HNRNPCL1: variants seen among roughly 807,000 people sequenced by gnomAD.
HNRNPCL1 encodes the protein heterogeneous nuclear ribonucleoprotein C-like 1.
A neutral mutation model predicts 19.0 loss-of-function variants in HNRNPCL1; 15 were observed. The observed-to-expected ratio is 0.79, with a 90% confidence interval of 0.53 to 1.22. The LOEUF is 1.22. Ranked by LOEUF, HNRNPCL1 falls within the 50% of genes most tolerant of loss-of-function variation. The pLI, the probability that HNRNPCL1 is intolerant of heterozygous loss-of-function variation, is 0.00. For synonymous variants in HNRNPCL1, 110 were observed against 129.1 expected, an observed-to-expected ratio of 0.85 and a Z score of 1.00; for missense variants, 327 against 354.7, an observed-to-expected ratio of 0.92 and a Z score of 0.63.
In HNRNPCL1 at chr1:12,847,960, G is replaced by C. The variant is rs750096462; in HGVS notation, c.330C>G (p.Asp110Glu). The change falls in exon 2 of 2, where the codon GAC becomes GAG. Residue 110 changes from aspartate to glutamate, a missense_variant. Asp to Glu is a conservative substitution (Grantham distance 45). Transcript: ENST00000317869. ...SAAEMYGSSF[D>E]LDYGFQRDYY... ...AATCCCGTTGAAAGCCATAGTCCAA[G>C]TCAAAAGAGGAGCCGTACATCTCCG... The C allele has an allele frequency of 6.2e-7, 1 of 1,607,672 alleles. No homozygotes were observed. Among genetic ancestry groups the C allele is most frequent in the South Asian group, 1.1e-5 (1 of 90,692 alleles).
In HNRNPCL1 at chr1:12,848,425, A is replaced by C. The variant is rs3860363; in HGVS notation, c.-136T>G. 0.42 allele frequency: 482,870 copies of C among 1,151,402 alleles called. 101,462 individuals are homozygous for C. The highest frequency in any genetic ancestry group is 0.53 in the East Asian group (20,187 of 38,038). The allele number at this position is 1,151,402 out of a possible 1,614,324, so 71.3% of individuals were successfully genotyped here. A position where few individuals can be genotyped will look rare whatever the true frequency, so the allele number is the denominator to read the frequency against. On this transcript the variant is annotated 5_prime_UTR_variant, in exon 2 of 2. Coordinates refer to ENST00000317869, the MANE Select transcript of HNRNPCL1 (RefSeq NM_001013631.3). ...GCTCGAGGCCAGAAATGCAGCCAAA[A>C]CAGCTCAGTCTTCGTCTCTTCACAA...
chr1:12,847,563 C>G lies in HNRNPCL1; in HGVS notation c.727G>C (p.Gly243Arg), dbSNP rs760613530. 11 of 1,606,542 alleles carry G rather than the reference C, an allele frequency of 6.8e-6. 1 individual carries two copies. Among genetic ancestry groups the G allele is most frequent in the Non-Finnish European group, 9.3e-6 (11 of 1,176,628 alleles). The change falls in exon 2 of 2, where the codon GGT (glycine) becomes CGT (arginine). Residue 243 changes from glycine (G) to arginine (R), a missense_variant. Coordinates refer to ENST00000317869, the MANE Select transcript of HNRNPCL1 (RefSeq NM_001013631.3). Reference protein sequence around the residue: ...ETHVKMESEGGAEDSAEEGDP... With the variant: ...ETHVKMESEGRAEDSAEEGDP... ...CCCTCCTCAGCAGAGTCTTCTGCACCCCCCTCAGACTCCATCTTCACATGA... is the reference window on the plus strand; with the variant it reads ...CCCTCCTCAGCAGAGTCTTCTGCACGCCCCTCAGACTCCATCTTCACATGA...
Position 12,847,968 on chromosome 1 carries a change from A to G in HNRNPCL1, c.322T>C (p.Ser108Pro), listed in dbSNP as rs1569828937. 1.9e-6 allele frequency: 3 copies of G among 1,607,740 alleles called. No individual in the cohort carries two copies. Among genetic ancestry groups the G allele is most frequent in the Non-Finnish European group, 2.5e-6 (3 of 1,177,064 alleles). The change falls in exon 2 of 2, where the codon TCT (serine) becomes CCT (proline). Residue 108 changes from serine (S) to proline (P), a missense_variant. This residue lies in a region of HNRNPCL1 where 281 missense variants were observed against 254.7 expected (regional missense o/e 1.10). Transcript: ENST00000317869. The part of the protein sequence containing the change: ...KRSAAEMYGS[S>P]FDLDYGFQRD... ...TGAAAGCCATAGTCCAAGTCAAAAGAGGAGCCGTACATCTCCGCTGCTGAT... is the reference window on the plus strand; with the variant it reads ...TGAAAGCCATAGTCCAAGTCAAAAGGGGAGCCGTACATCTCCGCTGCTGAT...
chr1:12,847,536 C>A lies in HNRNPCL1; in HGVS notation c.754G>T (p.Asp252Tyr). The part of the protein sequence containing the change: ...GGAEDSAEEG[D>Y]PLDDDVNEDQ... Reference sequence around the variant, plus strand: ...TCATTAACATCATCATCCAGTGGGTCCCCCTCCTCAGCAGAGTCTTCTGCA... The same window carrying A: ...TCATTAACATCATCATCCAGTGGGTACCCCTCCTCAGCAGAGTCTTCTGCA... Residue 252 changes from aspartate to tyrosine, a missense_variant, in exon 2 of 2, where the codon GAC becomes TAC. By Grantham distance (160) the Asp-to-Tyr change is radical. Around this residue, in one of 2 missense-constraint regions of HNRNPCL1, gnomAD observed 281 missense variants for 254.7 expected, o/e 1.10. Coordinates refer to ENST00000317869, the MANE Select transcript of HNRNPCL1 (RefSeq NM_001013631.3). The A allele has an allele frequency of 1.2e-6, 2 of 1,606,482 alleles. No individual in the cohort carries two copies. The highest frequency in any genetic ancestry group is 1.7e-6 in the Non-Finnish European group (2 of 1,176,594).
At position 12,847,814 on chromosome 1, in the gene HNRNPCL1, C is replaced by T. The variant is rs145312264; in HGVS notation, c.476G>A (p.Gly159Asp). ...SGNTSRRGKSGFNSKSGKRGS... is the reference protein window; with the variant it reads ...SGNTSRRGKSDFNSKSGKRGS... ...CCGCTTTCCACTCTTAGAATTGAAG[C>T]CACTTTTGCCCCTTCGTGAGGTGTT... is the stretch of plus-strand genomic sequence containing the variant. The change falls in exon 2 of 2, where the codon GGC (glycine) becomes GAC (aspartate). Residue 159 changes from glycine (G) to aspartate (D), a missense_variant. Around this residue, in one of 2 missense-constraint regions of HNRNPCL1, gnomAD observed 281 missense variants for 254.7 expected, o/e 1.10. Coordinates refer to ENST00000317869, the MANE Select transcript of HNRNPCL1 (RefSeq NM_001013631.3). 83 of 1,606,698 alleles carry T rather than the reference C, an allele frequency of 5.2e-5. 2 individuals are homozygous for T. The highest frequency in any genetic ancestry group is 6.7e-5 in the Non-Finnish European group (79 of 1,176,622).
rs370005849 is a variant in HNRNPCL1 at position 12,847,410 on chromosome 1, A to G, written c.880T>C (p.Ter294GlnextTer?). 4 of 1,606,836 alleles carry G rather than the reference A, an allele frequency of 2.5e-6. No homozygotes were observed. The highest frequency in any genetic ancestry group is 3.4e-6 in the Non-Finnish European group (4 of 1,176,638). The change falls in exon 2 of 2, where the codon TAA becomes CAA. Residue 294 changes from the stop codon to glutamine (Q), a stop_lost. Transcript: ENST00000317869. Reference sequence around the variant, plus strand: ...GATTTCTCAACCCCACTATGTGCTTAAGAGTCATCCTGGCCATTGGTGCTG... The same window carrying G: ...GATTTCTCAACCCCACTATGTGCTTGAGAGTCATCCTGGCCATTGGTGCTG... Reference protein sequence around the residue: ...RDSTNGQDDS* With the variant: ...RDSTNGQDDSQ
In HNRNPCL1 at chr1:12,848,153, C is replaced by A. The variant is rs1271091709; in HGVS notation, c.137G>T (p.Cys46Phe). 3.8e-6 allele frequency: 6 copies of A among 1,594,662 alleles called. No homozygotes were observed. The South Asian group carries it at 5.6e-5, about 15-fold the overall frequency. Residue 46 changes from cysteine (C) to phenylalanine (F), a missense_variant, in exon 2 of 2, where the codon TGC (cysteine) becomes TTC (phenylalanine). By Grantham distance (205) the Cys-to-Phe change is radical (BLOSUM62 -2). Transcript: ENST00000317869. ...IFSKYGKIAGCSVHKGFAFVQ... is the reference protein window; with the variant it reads ...IFSKYGKIAGFSVHKGFAFVQ... ...GAAGGCAAAGCCCTTATGAACAGAG[C>A]AGCCCGCAATTTTGCCATACTTGGA...
In HNRNPCL1 at chr1:12,848,029, C is replaced by A; in HGVS notation, c.261G>T (p.Glu87Asp). The change falls in exon 2 of 2, where the codon GAG (glutamate) becomes GAT (aspartate). Residue 87 changes from glutamate (E) to aspartate (D), a missense_variant. By Grantham distance (45) the Glu-to-Asp change is conservative. This residue lies in a region of HNRNPCL1 where 281 missense variants were observed against 254.7 expected (regional missense o/e 1.10). Transcript: ENST00000317869. ...CTGCGTTTCCTCGGTTCACTTTTGG[C>A]TCCGCAGCCAGGTTAATATCTACAA... The part of the protein sequence containing the change: ...SQVVDINLAA[E>D]PKVNRGNAGV... 1 of 1,607,262 alleles carries A rather than the reference C, an allele frequency of 6.2e-7. No homozygotes were observed.
At position 12,847,976 on chromosome 1, in the gene HNRNPCL1, T is replaced by C. The variant is rs74866336; in HGVS notation, c.314A>G (p.Tyr105Cys). ...ATAGTCCAAGTCAAAAGAGGAGCCG[T>C]ACATCTCCGCTGCTGATCGTTTCAC... is the stretch of plus-strand genomic sequence containing the variant. Reference protein sequence around the residue: ...AGVKRSAAEMYGSSFDLDYGF... With the variant: ...AGVKRSAAEMCGSSFDLDYGF... The change falls in exon 2 of 2, where the codon TAC becomes TGC. Residue 105 changes from tyrosine to cysteine, a missense_variant. By Grantham distance (194) the Tyr-to-Cys change is radical (BLOSUM62 -2). Transcript: ENST00000317869. 167,137 of 1,607,250 alleles carry C rather than the reference T, an allele frequency of 0.1. 15,299 individuals are homozygous for C. The highest frequency in any genetic ancestry group is 0.19 in the Middle Eastern group (1,146 of 6,050).
At position 12,848,366 on chromosome 1, in the gene HNRNPCL1, T is replaced by A; in HGVS notation, c.-77A>T. 2 of 1,454,494 alleles carry A rather than the reference T, an allele frequency of 1.4e-6. No individual in the cohort carries two copies. The highest frequency in any genetic ancestry group is 1.5e-5 in the African/African-American group (1 of 68,920). The allele number at this position is 1,454,494 out of a possible 1,614,324, so 90.1% of individuals were successfully genotyped here. A position where few individuals can be genotyped will look rare whatever the true frequency, so the allele number is the denominator to read the frequency against. Reference sequence around the variant, plus strand: ...AGAAGAGATTCGATTCTAAGTCTCCTACTGCCGGGTTCTACGGGGAGAAAC... The same window carrying A: ...AGAAGAGATTCGATTCTAAGTCTCCAACTGCCGGGTTCTACGGGGAGAAAC... On this transcript the variant is annotated 5_prime_UTR_variant, in exon 2 of 2. Coordinates refer to ENST00000317869, the MANE Select transcript of HNRNPCL1 (RefSeq NM_001013631.3).
intron 1 of HNRNPCL1, 42 bp from the exon 2 acceptor site, chr1:12,848,512 A>C (rs6669777): frequency 0.053 from 50,094 of 948,108 alleles, 453 homozygotes; most frequent in East Asian, 0.22. Context: ...TTTTTGAAAT[A>C]AAGACAAAAT....
chr1:12,847,601 T>C lies in HNRNPCL1; in HGVS notation c.689A>G (p.Lys230Arg). 1.2e-6 allele frequency: 2 copies of C among 1,606,716 alleles called. No homozygotes were observed. Among genetic ancestry groups the C allele is most frequent in the Non-Finnish European group, 1.7e-6 (2 of 1,176,560 alleles). ...CATCTTCACATGAGTCTCATCTTTC[T>C]TCATGGAGCTACTGCTCTGCTCCTC... ...SEEEQSSSSM[K>R]KDETHVKMES... The change falls in exon 2 of 2, where the codon AAG (lysine) becomes AGG (arginine). Residue 230 changes from lysine (K) to arginine (R), a missense_variant. Physicochemically the swap from Lys to Arg is conservative, Grantham distance 26. Transcript: ENST00000317869.
Position 12,848,303 on chromosome 1 carries a change from A to T in HNRNPCL1, c.-14T>A. ...GTTGCTGGCCATTGTGTTGGATGAT[A>T]AGGTTTCTCAAAAAGCCAAAAACAG... On this transcript the variant is annotated 5_prime_UTR_variant, in exon 2 of 2. Transcript: ENST00000317869. 7.1e-7 allele frequency: 1 copy of T among 1,412,514 alleles called. No individual in the cohort carries two copies. Among genetic ancestry groups the T allele is most frequent in the Non-Finnish European group, 9.4e-7 (1 of 1,063,518 alleles). The allele number at this position is 1,412,514 out of a possible 1,614,324, so 87.5% of individuals were successfully genotyped here.
chr1:12,847,680 T>A lies in HNRNPCL1; in HGVS notation c.610A>T (p.Ile204Phe). Residue 204 changes from isoleucine to phenylalanine, a missense_variant, in exon 2 of 2, where the codon ATT becomes TTT. This residue lies in a region of HNRNPCL1 where 281 missense variants were observed against 254.7 expected (regional missense o/e 1.10). Transcript: ENST00000317869. ...TCTTGTTTGCTCTGTTCCTTTTCAA[T>A]TTTTTCCAGGTTTTCCAGGAGAGAA... ...VDSLLENLEK[I>F]EKEQSKQEVE... The A allele has an allele frequency of 6.2e-7, 1 of 1,604,450 alleles. No individual in the cohort carries two copies. Among genetic ancestry groups the A allele is most frequent in the Non-Finnish European group, 8.5e-7 (1 of 1,175,076 alleles).
rs1315987423 is a variant in HNRNPCL1, at chr1:12,848,066, A to G, written c.224T>C (p.Ile75Thr). The change falls in exon 2 of 2, where the codon ATT becomes ACT. Residue 75 changes from isoleucine (I) to threonine (T), a missense_variant. Physicochemically the swap from Ile to Thr is moderately conservative, Grantham distance 89. This residue lies in a region of HNRNPCL1 where 46 missense variants were observed against 100.0 expected (regional missense o/e 0.46). Transcript: ENST00000317869. ...GTTAATATCTACAACCTGGCTAGCAATCATTCTGCCATCCTCTCCTGCTAC... is the reference window on the plus strand; with the variant it reads ...GTTAATATCTACAACCTGGCTAGCAGTCATTCTGCCATCCTCTCCTGCTAC... Reference protein sequence around the residue: ...AAVAGEDGRMIASQVVDINLA... With the variant: ...AAVAGEDGRMTASQVVDINLA... 15 of 1,606,534 alleles carry G rather than the reference A, an allele frequency of 9.3e-6. No homozygotes were observed. The highest frequency in any genetic ancestry group is 1.3e-5 in the Non-Finnish European group (15 of 1,176,492).
rs1557621980 is a variant in HNRNPCL1, at chr1:12,847,529, A to C, written c.761T>G (p.Leu254Arg). The change falls in exon 2 of 2, where the codon CTG becomes CGG. Residue 254 changes from leucine (L) to arginine (R), a missense_variant. Transcript: ENST00000317869. ...CTGATCTTCATTAACATCATCATCC[A>C]GTGGGTCCCCCTCCTCAGCAGAGTC... ...AEDSAEEGDPLDDDVNEDQGD... is the reference protein window; with the variant it reads ...AEDSAEEGDPRDDDVNEDQGD... The C allele has an allele frequency of 1.9e-6, 3 of 1,606,476 alleles. No individual in the cohort carries two copies. The highest frequency in any genetic ancestry group is 2.7e-5 in the African/African-American group (2 of 74,206).
At position 12,848,397 on chromosome 1, in the gene HNRNPCL1, G is replaced by C. The variant is rs570276816; in HGVS notation, c.-108C>G. 498 of 1,413,174 alleles carry C rather than the reference G, an allele frequency of 3.5e-4. 22 individuals carry two copies. In the South Asian group the frequency reaches 6.2e-3, roughly 18 times the overall value. The allele number at this position is 1,413,174 out of a possible 1,614,324, so 87.5% of individuals were successfully genotyped here. On this transcript the variant is annotated 5_prime_UTR_variant, in exon 2 of 2. Transcript: ENST00000317869. ...CGGGTTCTACGGGGAGAAACTGACT[G>C]CGGCTCGAGGCCAGAAATGCAGCCA... is the stretch of plus-strand genomic sequence containing the variant.
Position 12,847,930 on chromosome 1 carries a change from A to T in HNRNPCL1, c.360T>A (p.Tyr120Ter). Reference sequence around the variant, plus strand: ...GTGCTGGGAAACTGTACATTCCATCATAATAATCCCGTTGAAAGCCATAGT... The same window carrying T: ...GTGCTGGGAAACTGTACATTCCATCTTAATAATCCCGTTGAAAGCCATAGT... The part of the protein sequence containing the change: ...DLDYGFQRDY[Y>*]DGMYSFPARV... The change falls in exon 2 of 2, where the codon TAT becomes TAA. Residue 120 changes from tyrosine to a stop codon, truncating the protein, a stop_gained. Coordinates refer to ENST00000317869, the MANE Select transcript of HNRNPCL1 (RefSeq NM_001013631.3). LOFTEE classifies it high-confidence loss of function. 6.8e-6 allele frequency: 11 copies of T among 1,607,098 alleles called. No individual in the cohort carries two copies. Among genetic ancestry groups the T allele is most frequent in the Non-Finnish European group, 8.5e-6 (10 of 1,176,706 alleles).
In HNRNPCL1 at chr1:12,848,351, C is replaced by T. The variant is rs2100374361; in HGVS notation, c.-62G>A. The T allele has an allele frequency of 2.1e-6, 3 of 1,440,340 alleles. No individual in the cohort carries two copies. Among genetic ancestry groups the T allele is most frequent in the South Asian group, 1.5e-5 (1 of 68,008 alleles). The allele number at this position is 1,440,340 out of a possible 1,614,324, so 89.2% of individuals were successfully genotyped here. On this transcript the variant is annotated 5_prime_UTR_variant, in exon 2 of 2. Transcript: ENST00000317869. ...CAGGAGGCGGGAGGGAGAAGAGATTCGATTCTAAGTCTCCTACTGCCGGGT... is the reference window on the plus strand; with the variant it reads ...CAGGAGGCGGGAGGGAGAAGAGATTTGATTCTAAGTCTCCTACTGCCGGGT...
Sources: gnomAD v4.1 joint callset for allele counts on GRCh38, gnomAD v4.1.1 for gene constraint, gnomAD v4.1.1 regional missense constraint, MANE v1.5 for transcripts, NCBI Gene and HGNC (gene_info 2026-07-23, HGNC 2026-07-21) for gene names.